The following TMCO4 variants were observed in gnomAD, a reference collection of about 807,000 sequenced individuals.
The protein encoded by TMCO4 is transmembrane and coiled-coil domains 4, also known as transmembrane and coiled-coil domain-containing protein 4.
A neutral mutation model predicts 64.7 loss-of-function variants in TMCO4; 58 were observed. The observed-to-expected ratio is 0.90, with a 90% CI of 0.73 to 1.12. The LOEUF is 1.12. Among genes scored for constraint, TMCO4 ranks in the 50% most tolerant of loss-of-function variants. The pLI, the probability that TMCO4 is intolerant of heterozygous loss-of-function variation, is 0.00. For synonymous variants in TMCO4, 325 were observed against 346.1 expected, an observed-to-expected ratio of 0.94 and a Z score of 0.68; for missense variants, 780 against 825.9, an observed-to-expected ratio of 0.94 and a Z score of 0.68.
intron 4 of TMCO4, among the ~76,000 whole-genome samples, chr1:19,776,418 T>C (rs2043206981): frequency 1.3e-5 from 2 of 152,230 alleles, no homozygotes; most frequent in African/African-American, 4.8e-5. Flanking sequence ...CTGCCTTATG[T>C]GCCCTCCTAA....
rs1433635844 is a variant in TMCO4 at position 19,740,785 on chromosome 1, A to C, written c.1034T>G (p.Val345Gly). 1 of 1,611,696 alleles carries C rather than the reference A, an allele frequency of 6.2e-7. No individual in the cohort carries two copies. The highest frequency in any genetic ancestry group is 8.5e-7 in the Non-Finnish European group (1 of 1,178,786). Residue 345 changes from valine (V) to glycine (G), a missense_variant, in exon 11 of 16, where the codon GTG (valine) becomes GGG (glycine). By Grantham distance (109) the Val-to-Gly change is moderately radical (BLOSUM62 -3). Coordinates refer to ENST00000294543, the MANE Select transcript of TMCO4 (RefSeq NM_181719.7). ...CAGGTGGGGGCACTTACCAGACAAC[A>C]CTGTGTACTTTAGGGCCTCCTGGGC... ...MVAQEALKYT[V>G]LSGIVAALTW...
At chr1:19,700,915 GTGTCCC>G (rs765427638) in intron 13 of TMCO4, 30 bp from the exon 14 acceptor site, 12 of 1,598,306 alleles carry the variant, frequency 7.5e-6, no homozygotes. Context: ...AAGGCCGTCA[GTGTCCC>G]TGGCCACATT....
intron 7 of TMCO4, among the ~76,000 whole-genome samples, chr1:19,748,151 C>T (rs1231053837): frequency 6.6e-6 from 1 of 152,190 alleles, no homozygotes; most frequent in Non-Finnish European, 1.5e-5. Context: ...CAGTCACTAC[C>T]TCCCCATGAA....
Position 19,711,728 on chromosome 1 carries a change from G to A in TMCO4, c.1265-10843C>T, listed in dbSNP as rs544597962. Among the ~76,000 whole-genome samples, 4 of 152,188 alleles carry A rather than the reference G, an allele frequency of 2.6e-5. No individual in the cohort carries two copies. In the East Asian group the frequency reaches 7.7e-4, roughly 29 times the overall value. On this transcript the variant is annotated intron_variant, in intron 13 of 15. Coordinates refer to ENST00000294543, the MANE Select transcript of TMCO4 (RefSeq NM_181719.7). Reference sequence around the variant, plus strand: ...GCTGGATTGCAATGGCGTGATCTCAGCTCACTGCAACCTTCACCTCCTGGT... The same window carrying A: ...GCTGGATTGCAATGGCGTGATCTCAACTCACTGCAACCTTCACCTCCTGGT...
At chr1:19,797,911 AGAGG>A (rs1205637610) in intron 2 of TMCO4, among the ~76,000 whole-genome samples, 3,685 of 127,522 alleles carry the variant, frequency 0.029, 233 homozygotes, top group African/African-American at 0.079. Flanking sequence ...AGGGAGGGAG[AGAGG>A]GAGGGAGGGA....
intron 4 of TMCO4, among the ~76,000 whole-genome samples, chr1:19,772,050 T>C (rs772470183): frequency 3.9e-4 from 60 of 152,288 alleles, no homozygotes; most frequent in Non-Finnish European, 7.5e-4. Flanking sequence ...TGGTGACTGG[T>C]TGCATGCCTT....
At chr1:19,757,408 G>A (rs1409130538) in intron 6 of TMCO4, among the ~76,000 whole-genome samples, 1 of 151,974 alleles carries the variant, frequency 6.6e-6, no homozygotes, top group African/African-American at 2.4e-5. Flanking sequence ...AGATCCTCAT[G>A]TCTCCCTTTT....
At chr1:19,716,271 G>C (rs2095355734) in intron 13 of TMCO4, among the ~76,000 whole-genome samples, 1 of 150,488 alleles carries the variant, frequency 6.6e-6, no homozygotes, top group South Asian at 2.1e-4. Flanking sequence ...TGCAACCTCT[G>C]CCTCCTGGGT....
intron 13 of TMCO4, among the ~76,000 whole-genome samples, chr1:19,702,000 C>T (rs923941971): frequency 2.6e-5 from 4 of 152,044 alleles, no homozygotes; most frequent in African/African-American, 4.8e-5. Context: ...GACAGAGTCT[C>T]GCTCTGTAGC....
chr1:19,786,583 AG>A (rs1456250681), intron 3 of TMCO4, among the ~76,000 whole-genome samples: 2 of 152,222 alleles, frequency 1.3e-5, no homozygotes, highest in Non-Finnish European at 2.9e-5. Context: ...AGGTGGGAGT[AG>A]AAGCTGCCAA....
At chr1:19,716,194 T>C (rs58798982) in intron 13 of TMCO4, among the ~76,000 whole-genome samples, 1 of 148,602 alleles carries the variant, frequency 6.7e-6, no homozygotes, top group Non-Finnish European at 1.5e-5. Flanking sequence ...TTAATTTATT[T>C]ATTTTTTTGA....
chr1:19,750,192 AATTGATAACTCTTAAGTC>A (rs1273990698), intron 7 of TMCO4: 1 of 152,170 alleles, frequency 6.6e-6, no homozygotes, highest in South Asian at 2.1e-4. Flanking sequence ...CTTGACCCTT[AATTGATAACTCTTAAGTC>A]AGTTCCAAGT....
intron 13 of TMCO4, among the ~76,000 whole-genome samples, chr1:19,729,178 C>T (rs2095420083): frequency 6.6e-6 from 1 of 151,952 alleles, no homozygotes; most frequent in Non-Finnish European, 1.5e-5. Flanking sequence ...GAGACAGAAT[C>T]TTGCTGTGTC....
Position 19,737,380 on chromosome 1 carries a change from T to A in TMCO4, c.1256A>T (p.Gln419Leu), listed in dbSNP as rs1230660196. ...CAATAATCCATGCTCACCTTTCTCTTGAGCCATCTCCTGCAGACAGAAGTA... is the reference window on the plus strand; with the variant it reads ...CAATAATCCATGCTCACCTTTCTCTAGAGCCATCTCCTGCAGACAGAAGTA... ...VIYFCLQEMA[Q>L]EKDCQGIIED... The change falls in exon 13 of 16, where the codon CAA (glutamine) becomes CTA (leucine). Residue 419 changes from glutamine to leucine, a missense_variant. By Grantham distance (113) the Gln-to-Leu change is moderately radical (BLOSUM62 -2). Transcript: ENST00000294543. 6.2e-7 allele frequency: 1 copy of A among 1,613,396 alleles called. No individual in the cohort carries two copies. The highest frequency in any genetic ancestry group is 2.2e-5 in the East Asian group (1 of 44,872).
At chr1:19,747,732 T>C (rs561406439) in intron 7 of TMCO4, among the ~76,000 whole-genome samples, 2 of 152,186 alleles carry the variant, frequency 1.3e-5, no homozygotes, top group South Asian at 4.1e-4. Context: ...ACCTTGGCCT[T>C]GGAGCAGTAG....
At chr1:19,729,996 G>A (rs1331803099) in intron 13 of TMCO4, among the ~76,000 whole-genome samples, 3 of 152,122 alleles carry the variant, frequency 2.0e-5, no homozygotes, top group African/African-American at 4.8e-5. Flanking sequence ...CCTACTTCAC[G>A]GGCTCTTGTG....
At position 19,708,384 on chromosome 1, in the gene TMCO4, A is replaced by T. The variant is rs80135442; in HGVS notation, c.1265-7499T>A. Reference sequence around the variant, plus strand: ...AGTCTGGAAATTATCTTAGCTTTTTAAAAAAAAAATACATAAATAAAAAAA... The same window carrying T: ...AGTCTGGAAATTATCTTAGCTTTTTTAAAAAAAAATACATAAATAAAAAAA... On this transcript the variant is annotated intron_variant, in intron 13 of 15. Coordinates refer to ENST00000294543, the MANE Select transcript of TMCO4 (RefSeq NM_181719.7). Among the ~76,000 whole-genome samples the T allele has an allele frequency of 0.024, 3,504 of 147,090 alleles. 336 individuals are homozygous for T. The East Asian group carries it at 0.33, about 14-fold the overall frequency.
intron 8 of TMCO4, among the ~76,000 whole-genome samples, chr1:19,746,939 A>AC (rs1179178728): frequency 3.3e-5 from 5 of 150,818 alleles, no homozygotes; most frequent in Non-Finnish European, 7.4e-5. Flanking sequence ...AAAAAAAAAA[A>AC]AAAAAACGTG....
Position 19,752,895 on chromosome 1 carries a change from G to A in TMCO4, c.515+2739C>T, listed in dbSNP as rs1176288479. Among the ~76,000 whole-genome samples the A allele has an allele frequency of 4.0e-5, 6 of 151,458 alleles. No individual in the cohort carries two copies. The Admixed American group carries it at 4.0e-4, about 10-fold the overall frequency. ...TGTGCCTGCATCTAGTAGGCATTCA[G>A]GAAAAATCTGATGCTGGCAACGTTC... On this transcript the variant is annotated intron_variant, in intron 7 of 15. Transcript: ENST00000294543.
Sources: gnomAD v4.1 joint callset for allele counts (sites outside exome capture counted in the v4.1 genomes callset) on GRCh38, gnomAD v4.1.1 for gene constraint, MANE v1.5 for transcripts, NCBI Gene and HGNC (gene_info 2026-07-23, HGNC 2026-07-21) for gene names.